Variants in SP140L observed in about 807,000 individuals in gnomAD.
SP140L encodes nuclear body protein SP140-like protein.
SP140L carries 64 observed loss-of-function variants against 84.3 expected under a neutral mutation model. The ratio of observed to expected loss-of-function variants is 0.76; its 90% CI spans 0.62 to 0.94. The LOEUF (loss-of-function observed/expected upper bound fraction) is 0.94, where lower values mean the gene tolerates loss of function less well. Ranked by LOEUF, SP140L falls within the 40% of genes least tolerant of loss-of-function variation. The pLI is 0.00. For synonymous variants in SP140L, 242 were observed against 236.9 expected, an observed-to-expected ratio of 1.02 and a Z score of -0.20; for missense variants, 628 against 692.5, an observed-to-expected ratio of 0.91 and a Z score of 1.05.
At chr2:230,358,217 TAAACTA>T (rs572478936) in intron 3 of SP140L, among the ~76,000 whole-genome samples, 52 of 152,292 alleles carry the variant, frequency 3.4e-4, no homozygotes, top group African/African-American at 1.2e-3. Context: ...CACTATAACA[TAAACTA>T]AAATTTAAAA....
chr2:230,397,929 A>T (rs1002849268), intron 14 of SP140L, among the ~76,000 whole-genome samples: 5 of 152,196 alleles, frequency 3.3e-5, no homozygotes, highest in Non-Finnish European at 5.9e-5. Context: ...TGGGAAAAAG[A>T]GGAAAACAGA....
intron 2 of SP140L, among the ~76,000 whole-genome samples, chr2:230,334,881 A>G (rs1230986620): frequency 6.6e-6 from 1 of 152,046 alleles, no homozygotes; most frequent in African/African-American, 2.4e-5. Flanking sequence ...TTCTTCTATT[A>G]TTTTTAGTTC....
At chr2:230,375,797 T>C (rs979066182) in intron 7 of SP140L, among the ~76,000 whole-genome samples, 1 of 152,196 alleles carries the variant, frequency 6.6e-6, no homozygotes, top group Non-Finnish European at 1.5e-5. Flanking sequence ...GTTCCTTATA[T>C]ATTCTGGGCA....
intron 8 of SP140L, 115 bp downstream of exon 8, chr2:230,383,690 C>T (rs755376778): frequency 3.6e-5 from 36 of 997,768 alleles, no homozygotes; most frequent in African/African-American, 6.6e-5. Context: ...TTCCTGTATC[C>T]GTTAGGATGT....
chr2:230,381,901 G>A (rs1017320944), intron 7 of SP140L, among the ~76,000 whole-genome samples: 1 of 152,188 alleles, frequency 6.6e-6, no homozygotes, highest in African/African-American at 2.4e-5. Context: ...AGCACACAAG[G>A]TGTTCGAAGA....
In SP140L at chr2:230,383,587, A is replaced by G; in HGVS notation, c.703+12A>G. The G allele has an allele frequency of 6.3e-7, 1 of 1,596,446 alleles. No individual in the cohort carries two copies. The highest frequency in any genetic ancestry group is 1.1e-5 in the South Asian group (1 of 87,652). On this transcript the variant is annotated intron_variant, in intron 8 of 18. Coordinates refer to ENST00000415673, the MANE Select transcript of SP140L (RefSeq NM_138402.6). Reference sequence around the variant, plus strand: ...CAACCAACAAAATGGTAAGCAGGCAAAGTGAAGTAGTTACAGCTTTTGAGT... The same window carrying G: ...CAACCAACAAAATGGTAAGCAGGCAGAGTGAAGTAGTTACAGCTTTTGAGT...
At chr2:230,371,724 C>A in intron 7 of SP140L, 73 bp downstream of exon 7, 2 of 1,324,608 alleles carry the variant, frequency 1.5e-6, no homozygotes, top group South Asian at 2.5e-5. Context: ...TTCTTTTTGT[C>A]ATTGTTACTG....
intron 7 of SP140L, among the ~76,000 whole-genome samples, chr2:230,373,013 C>T (rs889610873): frequency 1.1e-4 from 16 of 152,198 alleles, no homozygotes; most frequent in African/African-American, 3.9e-4. Context: ...CCACAACATT[C>T]CCTTAAGCCA....
intron 2 of SP140L, among the ~76,000 whole-genome samples, chr2:230,344,756 T>C (rs894678455): frequency 1.8e-4 from 28 of 152,340 alleles, no homozygotes; most frequent in Non-Finnish European, 3.4e-4. Context: ...TGGCTTCTTC[T>C]TTGACCTATT....
chr2:230,398,021 A>G (rs905777643), intron 14 of SP140L, among the ~76,000 whole-genome samples: 3 of 152,252 alleles, frequency 2.0e-5, no homozygotes, highest in African/African-American at 7.2e-5. Flanking sequence ...CCATGCTTCC[A>G]TAACCAGACT....
At chr2:230,361,179 T>C (rs796366839) in intron 4 of SP140L, among the ~76,000 whole-genome samples, 9 of 152,246 alleles carry the variant, frequency 5.9e-5, no homozygotes, top group African/African-American at 2.2e-4. Flanking sequence ...CTCGAAATCC[T>C]AGGTTCAGGA....
intron 7 of SP140L, among the ~76,000 whole-genome samples, chr2:230,381,724 ACACACACAC>A (rs2061414160): frequency 6.7e-6 from 1 of 149,372 alleles, no homozygotes; most frequent in Non-Finnish European, 1.5e-5. Flanking sequence ...ACACACACAC[ACACACACAC>A]ACACACACAC....
Position 230,392,181 on chromosome 2 carries a change from G to A in SP140L, c.1059G>A (p.Trp353Ter). 6.2e-7 allele frequency: 1 copy of A among 1,614,122 alleles called. No homozygotes were observed. The change falls in exon 12 of 19, where the codon TGG becomes TGA. Residue 353 changes from tryptophan (W) to a stop codon, truncating the protein, a stop_gained. Coordinates refer to ENST00000415673, the MANE Select transcript of SP140L (RefSeq NM_138402.6). LOFTEE classifies it high-confidence loss of function. The part of the protein sequence containing the change: ...IKGGYARSKN[W>*]RLSVRCGGWP... The stretch of plus-strand genomic sequence containing the variant: ...GAGGCTACGCAAGATCAAAGAACTG[G>A]AGGCTGAGTGTGCGCTGTGGCGGGT...
intron 10 of SP140L, 111 bp downstream of exon 10, chr2:230,388,744 A>C: frequency 3.4e-6 from 3 of 879,994 alleles, no homozygotes; most frequent in Non-Finnish European, 4.9e-6. Context: ...ATGAAGCTAT[A>C]CTAACTATTG....
At chr2:230,376,979 C>T (rs191521864) in intron 7 of SP140L, among the ~76,000 whole-genome samples, 131 of 152,294 alleles carry the variant, frequency 8.6e-4, no homozygotes, top group African/African-American at 3.0e-3. Flanking sequence ...AAATGTTCCA[C>T]ATTTTCATTT....
chr2:230,398,857 G>A (rs987499250), intron 14 of SP140L, among the ~76,000 whole-genome samples: 1 of 152,218 alleles, frequency 6.6e-6, no homozygotes, highest in Non-Finnish European at 1.5e-5. Flanking sequence ...TCCAGAGGGA[G>A]AGTGTGATTG....
intron 13 of SP140L, among the ~76,000 whole-genome samples, chr2:230,394,754 A>C (rs911724242): frequency 2.0e-5 from 3 of 152,128 alleles, no homozygotes; most frequent in Non-Finnish European, 4.4e-5. Flanking sequence ...CAGATCCAGG[A>C]TCCATTATGA....
At chr2:230,332,966 G>C (rs1032200171) in intron 2 of SP140L, among the ~76,000 whole-genome samples, 2 of 151,862 alleles carry the variant, frequency 1.3e-5, no homozygotes, top group Non-Finnish European at 2.9e-5. Flanking sequence ...TTGGCTTACC[G>C]CATTATCCAG....
At position 230,359,117 on chromosome 2, in the gene SP140L, A is replaced by G. The variant is rs950609646; in HGVS notation, c.424A>G (p.Lys142Glu). 20 of 1,600,634 alleles carry G rather than the reference A, an allele frequency of 1.2e-5. No individual in the cohort carries two copies. The highest frequency in any genetic ancestry group is 1.6e-5 in the Non-Finnish European group (19 of 1,176,938). ...QEYPDLIHIY[K>E]SFKNAIQDKL... Reference sequence around the variant, plus strand: ...ATACCCCGATTTAATTCACATTTATAAAAGCTTCAAAAATGGTAATTAGGT... The same window carrying G: ...ATACCCCGATTTAATTCACATTTATGAAAGCTTCAAAAATGGTAATTAGGT... The change falls in exon 4 of 19, where the codon AAA becomes GAA. Residue 142 changes from lysine to glutamate, a missense_variant. Physicochemically the swap from Lys to Glu is moderately conservative, Grantham distance 56. Around this residue, in one of 4 missense-constraint regions of SP140L, gnomAD observed 525 missense variants for 518.4 expected, o/e 1.01. Transcript: ENST00000415673.
Sources: gnomAD v4.1 joint callset for allele counts (sites outside exome capture counted in the v4.1 genomes callset) on GRCh38, gnomAD v4.1.1 for gene constraint, gnomAD v4.1.1 regional missense constraint, MANE v1.5 for transcripts, NCBI Gene and HGNC (gene_info 2026-07-23, HGNC 2026-07-21) for gene names.